Variants in ARID1B observed in about 807,000 individuals in gnomAD.
ARID1B encodes AT-rich interaction domain 1B.
Under a neutral mutation model 212.3 loss-of-function variants are expected in ARID1B, and 30 were observed. The ratio of observed to expected loss-of-function variants is 0.14; its 90% CI spans 0.11 to 0.19. ARID1B has a LOEUF of 0.19. ARID1B is among the 10% of genes least tolerant of loss of function. The probability of loss-of-function intolerance (pLI) is 1.00; values close to 1 mark genes in which losing one functional copy is unlikely to be tolerated. For missense variants in ARID1B, 2,891 were observed against 3,204.0 expected, an observed-to-expected ratio of 0.90 and a Z score of 2.36; for synonymous variants, 1,402 against 1,301.7, an observed-to-expected ratio of 1.08 and a Z score of -1.66.
rs779048797 is a variant in ARID1B, at chr6:157,167,143, C to G, written c.3193C>G (p.Pro1065Ala). The change falls in exon 9 of 20, where the codon CCG (proline) becomes GCG (alanine). Residue 1065 changes from proline (P) to alanine (A), a missense_variant. Around this residue, in one of 7 missense-constraint regions of ARID1B, gnomAD observed 1,643 missense variants for 1,544.0 expected, o/e 1.06. Transcript: ENST00000636930. ...NSSSLMNTQA[P>A]PYSMAPAMVN... ...CTCTAGCCTGATGAACACGCAGGCG[C>G]CGCCCTACAGCATGGCGCCCGCCAT... The G allele has an allele frequency of 6.2e-7, 1 of 1,610,870 alleles. No homozygotes were observed. The highest frequency in any genetic ancestry group is 1.1e-5 in the South Asian group (1 of 91,080).
chr6:157,066,749 C>T (rs1783699473), intron 4 of ARID1B, among the ~76,000 whole-genome samples: 1 of 152,064 alleles, frequency 6.6e-6, no homozygotes, highest in East Asian at 1.9e-4. Flanking sequence ...AAAAATAATA[C>T]TTGTTTTGCT....
intron 7 of ARID1B, among the ~76,000 whole-genome samples, chr6:157,139,698 A>G (rs1789198666): frequency 6.6e-6 from 1 of 151,368 alleles, no homozygotes; most frequent in Admixed American, 6.6e-5. Context: ...ATTAAACTAT[A>G]TATAGAGAGA....
chr6:157,078,031 C>G (rs1349670515), intron 4 of ARID1B, among the ~76,000 whole-genome samples: 1 of 152,180 alleles, frequency 6.6e-6, no homozygotes, highest in East Asian at 1.9e-4. Flanking sequence ...AGCAGTTACG[C>G]ACACGAGTCT....
chr6:156,928,433 G>A (rs1038491353), intron 3 of ARID1B, among the ~76,000 whole-genome samples: 6 of 152,162 alleles, frequency 3.9e-5, no homozygotes, highest in African/African-American at 7.2e-5. Context: ...GCTCTCCTTC[G>A]GTGAGGTGGG....
At chr6:157,110,435 G>T (rs1361013136) in intron 5 of ARID1B, 37 bp from the exon 6 acceptor site, 1 of 1,589,488 alleles carries the variant, frequency 6.3e-7, no homozygotes, top group South Asian at 1.1e-5. Flanking sequence ...AATGCAAAGG[G>T]TTCCCCCATC....
At chr6:157,053,805 G>C (rs1782758471) in intron 4 of ARID1B, among the ~76,000 whole-genome samples, 1 of 152,200 alleles carries the variant, frequency 6.6e-6, no homozygotes, top group South Asian at 2.1e-4. Flanking sequence ...TGGGCACTGT[G>C]GTTCACGCCT....
intron 4 of ARID1B, chr6:157,023,105 T>A (rs1025061047): frequency 6.6e-6 from 1 of 152,236 alleles, no homozygotes; most frequent in African/African-American, 2.4e-5. Flanking sequence ...CTGATGACAT[T>A]TGCCAGTTAC....
chr6:156,904,622 G>A (rs1789215513), intron 3 of ARID1B, among the ~76,000 whole-genome samples: 1 of 152,184 alleles, frequency 6.6e-6, no homozygotes, highest in Non-Finnish European at 1.5e-5. Context: ...CAGTAGCATG[G>A]CTTTACAAAG....
chr6:157,083,868 T>C (rs750694844), intron 4 of ARID1B, among the ~76,000 whole-genome samples: 2 of 152,246 alleles, frequency 1.3e-5, no homozygotes, highest in African/African-American at 4.8e-5. Context: ...GCACAGTGGC[T>C]CATGCCAGTA....
intron 2 of ARID1B, among the ~76,000 whole-genome samples, chr6:156,875,478 A>G (rs1278356824): frequency 6.6e-6 from 1 of 152,242 alleles, no homozygotes; most frequent in Non-Finnish European, 1.5e-5. Context: ...GAGGTGAGAA[A>G]GTTTTCATTG....
intron 2 of ARID1B, among the ~76,000 whole-genome samples, chr6:156,835,563 C>T (rs1783453363): frequency 6.6e-6 from 1 of 152,046 alleles, no homozygotes; most frequent in African/African-American, 2.4e-5. Flanking sequence ...TGTACATTTA[C>T]ATTATTCTCG....
chr6:156,933,098 T>G (rs1028565434), intron 3 of ARID1B, among the ~76,000 whole-genome samples: 9 of 152,238 alleles, frequency 5.9e-5, no homozygotes, highest in Non-Finnish European at 1.0e-4. Flanking sequence ...TTGAAATGTT[T>G]ATCCACTATA....
intron 4 of ARID1B, among the ~76,000 whole-genome samples, chr6:157,021,969 C>T (rs1269882458): frequency 2.0e-5 from 3 of 152,222 alleles, no homozygotes; most frequent in Non-Finnish European, 1.5e-5. Context: ...CCCCTACTTC[C>T]TTTGGTGCAT....
chr6:157,125,447 G>A (rs1202684616), intron 6 of ARID1B, among the ~76,000 whole-genome samples: 3 of 152,184 alleles, frequency 2.0e-5, no homozygotes, highest in African/African-American at 7.2e-5. Flanking sequence ...GTGACCTCTA[G>A]ACTCAGCTGA....
rs1794694479 is a variant in ARID1B at position 157,210,240 on chromosome 6, A to T, written c.*2349A>T. The T allele has an allele frequency of 4.3e-6, 1 of 231,388 alleles. No homozygotes were observed. The highest frequency in any genetic ancestry group is 2.2e-5 in the African/African-American group (1 of 45,214). The allele number at this position is 231,388 out of a possible 1,614,324, so 14.3% of individuals were successfully genotyped here. A position where few individuals can be genotyped will look rare whatever the true frequency, so the allele number is the denominator to read the frequency against. On this transcript the variant is annotated 3_prime_UTR_variant, in exon 20 of 20. Transcript: ENST00000636930. ...CTGCTTTAAATACATCTGCTTGCTA[A>T]GAACAGATTTCAGTGCTCCAAGCTT... is the stretch of plus-strand genomic sequence containing the variant.
intron 4 of ARID1B, among the ~76,000 whole-genome samples, chr6:156,949,617 C>T (rs1793429903): frequency 6.6e-6 from 1 of 152,200 alleles, no homozygotes; most frequent in African/African-American, 2.4e-5. Flanking sequence ...CCCCAGGACT[C>T]CTAGCCTGTG....
At chr6:157,001,626 A>G (rs1468098343) in intron 4 of ARID1B, among the ~76,000 whole-genome samples, 1 of 152,254 alleles carries the variant, frequency 6.6e-6, no homozygotes, top group African/African-American at 2.4e-5. Context: ...ATTACGCAGT[A>G]CTACATCTGA....
intron 6 of ARID1B, among the ~76,000 whole-genome samples, chr6:157,128,026 T>A (rs1788261012): frequency 6.6e-6 from 1 of 151,774 alleles, no homozygotes; most frequent in African/African-American, 2.4e-5. Flanking sequence ...TTTATGCATG[T>A]TTATCTCCGT....
chr6:157,082,952 G>A (rs535888367), intron 4 of ARID1B, among the ~76,000 whole-genome samples: 19 of 152,328 alleles, frequency 1.2e-4, no homozygotes, highest in African/African-American at 4.3e-4. Context: ...TTTTTAAAGA[G>A]AAGTTAATTA....
Sources: gnomAD v4.1 joint callset for allele counts (sites outside exome capture counted in the v4.1 genomes callset) on GRCh38, gnomAD v4.1.1 for gene constraint, gnomAD v4.1.1 regional missense constraint, MANE v1.5 for transcripts, NCBI Gene and HGNC (gene_info 2026-07-23, HGNC 2026-07-21) for gene names.